The following UBE4B variants were observed in gnomAD, a reference collection of about 807,000 sequenced individuals.
The protein encoded by UBE4B is ubiquitination factor E4B.
In UBE4B, 27 loss-of-function variants were observed where a neutral mutation model predicts 148.1. The observed-to-expected ratio is 0.18, with a 90% CI of 0.13 to 0.25. The LOEUF (loss-of-function observed/expected upper bound fraction) is 0.25, where lower values mean the gene tolerates loss of function less well. Ranked by LOEUF, UBE4B falls within the 10% of genes least tolerant of loss-of-function variation. The pLI is 1.00. For missense variants in UBE4B, 1,170 were observed against 1,662.4 expected (o/e 0.70, Z 5.15); for synonymous variants, 596 against 619.3 (o/e 0.96, Z 0.56).
chr1:10,066,960 C>T (rs1322331645), intron 1 of UBE4B, among the ~76,000 whole-genome samples: 1 of 151,986 alleles, frequency 6.6e-6, no homozygotes. Context: ...AGGAGACTAC[C>T]CCAAAGAGAA....
intron 1 of UBE4B, among the ~76,000 whole-genome samples, chr1:10,041,484 G>A (rs772034759): frequency 4.0e-5 from 6 of 151,510 alleles, no homozygotes; most frequent in Non-Finnish European, 8.8e-5. Context: ...ACAGGCTCCC[G>A]CCAGCATGCC....
At chr1:10,151,596 G>T (rs1436968391) in intron 21 of UBE4B, 35 bp downstream of exon 21, 1 of 1,572,128 alleles carries the variant, frequency 6.4e-7, no homozygotes, top group Non-Finnish European at 8.7e-7. Context: ...CACATGGCAG[G>T]CCAACTTAGG....
In UBE4B at chr1:10,130,581, G is replaced by A. The variant is rs776532939; in HGVS notation, c.1777G>A (p.Ala593Thr). 3.1e-6 allele frequency: 5 copies of A among 1,614,176 alleles called. No homozygotes were observed. In the South Asian group the frequency reaches 5.5e-5, roughly 18 times the overall value. The change falls in exon 13 of 28, where the codon GCT becomes ACT. Residue 593 changes from alanine to threonine, a missense_variant. This residue lies in a region of UBE4B where 388 missense variants were observed against 536.0 expected (regional missense o/e 0.72). Coordinates refer to ENST00000343090, the MANE Select transcript of UBE4B (RefSeq NM_001105562.3). ...GCTGCAGAGACTCTCTTACTTAGGGGCTTTCTTTAGCTTCTCAGTCTTTGC... is the reference window on the plus strand; with the variant it reads ...GCTGCAGAGACTCTCTTACTTAGGGACTTTCTTTAGCTTCTCAGTCTTTGC... Reference protein sequence around the residue: ...RELQRLSYLGAFFSFSVFAED... With the variant: ...RELQRLSYLGTFFSFSVFAED...
intron 22 of UBE4B, among the ~76,000 whole-genome samples, chr1:10,159,445 G>A (rs1360101495): frequency 6.6e-6 from 1 of 152,184 alleles, no homozygotes; most frequent in African/African-American, 2.4e-5. Context: ...GGCCGAGCAG[G>A]GCGGATCAGG....
chr1:10,033,660 A>G lies in UBE4B; in HGVS notation c.-11A>G. On this transcript the variant is annotated 5_prime_UTR_variant, in exon 1 of 28. Coordinates refer to ENST00000343090, the MANE Select transcript of UBE4B (RefSeq NM_001105562.3). The stretch of plus-strand genomic sequence containing the variant: ...CTCTCCTTAACGCCTTTCACCATTA[A>G]GAGGAAAGCGATGGAGGAGCTGAGC... 1 of 1,569,598 alleles carries G rather than the reference A, an allele frequency of 6.4e-7. No individual in the cohort carries two copies. Among genetic ancestry groups the G allele is most frequent in the South Asian group, 1.2e-5 (1 of 85,732 alleles).
At chr1:10,064,344 GA>G (rs1390550025) in intron 1 of UBE4B, among the ~76,000 whole-genome samples, 7 of 152,102 alleles carry the variant, frequency 4.6e-5, no homozygotes. Flanking sequence ...ATAAGATGGT[GA>G]AAAAAAGGTG....
chr1:10,117,659 C>T, intron 8 of UBE4B, 59 bp downstream of exon 8: 1 of 1,503,636 alleles, frequency 6.7e-7, no homozygotes, highest in South Asian at 1.3e-5. Context: ...TTGATTATCC[C>T]CACCCCTGGA....
intron 21 of UBE4B, among the ~76,000 whole-genome samples, chr1:10,154,135 C>G (rs1456983842): frequency 6.6e-6 from 1 of 150,618 alleles, no homozygotes; most frequent in Admixed American, 6.6e-5. Context: ...CCCAGCTACT[C>G]GGGAGGCTGA....
At chr1:10,094,435 C>CTT (rs770919627) in intron 2 of UBE4B, among the ~76,000 whole-genome samples, 5 of 138,794 alleles carry the variant, frequency 3.6e-5, no homozygotes, top group African/African-American at 5.3e-5. Context: ...CTATCATTAA[C>CTT]TTTTTTTTTT....
intron 15 of UBE4B, among the ~76,000 whole-genome samples, chr1:10,133,234 G>A (rs1002146826): frequency 2.6e-5 from 4 of 152,172 alleles, no homozygotes; most frequent in Admixed American, 6.5e-5. Context: ...GATGTGATGT[G>A]TATACTCAGA....
At chr1:10,107,576 C>CTTT (rs60975850) in intron 7 of UBE4B, among the ~76,000 whole-genome samples, 9 of 128,258 alleles carry the variant, frequency 7.0e-5, no homozygotes, top group South Asian at 2.5e-4. Flanking sequence ...TTCTTTCTTT[C>CTTT]TTTTTTTTTT....
rs140772149 is a variant in UBE4B at position 10,138,060 on chromosome 1, G to A, written c.2363+855G>A. ...AGCGATTCTCCTGCTTCAGCCTCCC[G>A]AGTAGCTGGGATTACAGATGTGCAC... is the stretch of plus-strand genomic sequence containing the variant. On this transcript the variant is annotated intron_variant, in intron 17 of 27. Transcript: ENST00000343090. 4.3e-3 allele frequency among the ~76,000 whole-genome samples: 635 copies of A among 148,296 alleles called. 39 individuals are homozygous for A. The East Asian group carries it at 0.11, about 25-fold the overall frequency.
intron 2 of UBE4B, among the ~76,000 whole-genome samples, chr1:10,077,862 G>C (rs1644610497): frequency 6.6e-6 from 1 of 152,148 alleles, no homozygotes; most frequent in Non-Finnish European, 1.5e-5. Flanking sequence ...ACAGGTCATT[G>C]CTGTTCCAGA....
rs993369748 is a variant in UBE4B at position 10,048,392 on chromosome 1, G to A, written c.24+14698G>A. Among the ~76,000 whole-genome samples, 3 of 152,126 alleles carry A rather than the reference G, an allele frequency of 2.0e-5. No homozygotes were observed. In the East Asian group the frequency reaches 5.8e-4, roughly 29 times the overall value. On this transcript the variant is annotated intron_variant, in intron 1 of 27. Transcript: ENST00000343090. ...GTTCTTGGGGGAGGTTGGGGTTAGGGATACTAATCTGGAAGTTGTCATTGT... is the reference window on the plus strand; with the variant it reads ...GTTCTTGGGGGAGGTTGGGGTTAGGAATACTAATCTGGAAGTTGTCATTGT...
chr1:10,147,026 T>A lies in UBE4B; in HGVS notation c.2527T>A (p.Cys843Ser). ...GLLDESFLRR[C>S]LNFYGLLIQL... is the part of the protein sequence containing the mutation. ...ACTTGACGAGAGCTTCCTGAGAAGA[T>A]GTCTGAATTTTTATGGCCTTCTCAT... The change falls in exon 19 of 28, where the codon TGT (cysteine) becomes AGT (serine). Residue 843 changes from cysteine (C) to serine (S), a missense_variant. By Grantham distance (112) the Cys-to-Ser change is moderately radical (BLOSUM62 -1). This residue lies in a region of UBE4B where 348 missense variants were observed against 627.2 expected (regional missense o/e 0.55). Transcript: ENST00000343090. 1.9e-6 allele frequency: 3 copies of A among 1,614,168 alleles called. No individual in the cohort carries two copies. The highest frequency in any genetic ancestry group is 1.7e-6 in the Non-Finnish European group (2 of 1,180,038).
At chr1:10,044,937 C>T (rs1643883558) in intron 1 of UBE4B, among the ~76,000 whole-genome samples, 1 of 152,170 alleles carries the variant, frequency 6.6e-6, no homozygotes, top group African/African-American at 2.4e-5. Context: ...AATAATTTTA[C>T]AACCCACCAT....
intron 4 of UBE4B, among the ~76,000 whole-genome samples, chr1:10,102,681 G>A (rs1427893608): frequency 6.6e-6 from 1 of 151,978 alleles, no homozygotes; most frequent in African/African-American, 2.4e-5. Flanking sequence ...AGAATGCTGG[G>A]ATTACAGGTG....
At chr1:10,090,038 A>G (rs1045035938) in intron 2 of UBE4B, among the ~76,000 whole-genome samples, 1 of 151,814 alleles carries the variant, frequency 6.6e-6, no homozygotes, top group South Asian at 2.1e-4. Context: ...ACTTTGTTTT[A>G]AAATATTTGA....
chr1:10,072,019 A>G lies in UBE4B; in HGVS notation c.25-9A>G, dbSNP rs1557528913. ...AGTTATAGAATGCCCTTTTCCCCTC[A>G]TGTTGTAGATTCGACGGAGGCGCCT... On this transcript the variant is annotated splice_polypyrimidine_tract_variant and intron_variant, in intron 1 of 27. Coordinates refer to ENST00000343090, the MANE Select transcript of UBE4B (RefSeq NM_001105562.3). 6.4e-7 allele frequency: 1 copy of G among 1,568,524 alleles called. No individual in the cohort carries two copies. The highest frequency in any genetic ancestry group is 1.2e-5 in the South Asian group (1 of 85,830).
Sources: allele counts gnomAD v4.1 joint callset (sites outside exome capture counted in the v4.1 genomes callset), GRCh38; gene constraint gnomAD v4.1.1; regional missense constraint gnomAD v4.1.1; transcripts MANE v1.5; gene names NCBI Gene and HGNC (gene_info 2026-07-23, HGNC 2026-07-21).